TTC28: variants seen among roughly 807,000 people sequenced by gnomAD.
TTC28 encodes the protein tetratricopeptide repeat protein 28.
In TTC28, 61 loss-of-function variants were observed where a neutral mutation model predicts 198.0. That is an observed-to-expected ratio of 0.31 (90% CI 0.25 to 0.38). The LOEUF (loss-of-function observed/expected upper bound fraction) is 0.38, where lower values mean the gene tolerates loss of function less well. TTC28 is among the 10% of genes least tolerant of loss of function. The probability of loss-of-function intolerance (pLI) is 1.00; values close to 1 mark genes in which losing one functional copy is unlikely to be tolerated. For missense variants in TTC28, 2,678 were observed against 3,164.0 expected (o/e 0.85, Z 3.69); for synonymous variants, 1,171 against 1,297.8 (o/e 0.90, Z 2.10).
intron 6 of TTC28, among the ~76,000 whole-genome samples, chr22:28,149,247 C>T (rs1020929786): frequency 2.6e-5 from 4 of 152,126 alleles, no homozygotes; most frequent in Admixed American, 2.6e-4. Flanking sequence ...AGTTGGTGCA[C>T]CATGGTGAAA....
intron 2 of TTC28, among the ~76,000 whole-genome samples, chr22:28,324,031 A>G (rs1276176701): frequency 6.6e-6 from 1 of 152,222 alleles, no homozygotes; most frequent in Admixed American, 6.5e-5. Context: ...TCCTTCAAAC[A>G]TGAAAGAGAT....
At chr22:28,187,524 C>A (rs1483910390) in intron 5 of TTC28, among the ~76,000 whole-genome samples, 1 of 152,232 alleles carries the variant, frequency 6.6e-6, no homozygotes, top group Admixed American at 6.5e-5. Context: ...ACACTGTAGG[C>A]TCCCCTCAGA....
chr22:28,418,780 C>A (rs1040111922), intron 2 of TTC28, among the ~76,000 whole-genome samples: 1 of 152,148 alleles, frequency 6.6e-6, no homozygotes, highest in African/African-American at 2.4e-5. Flanking sequence ...ACATCAATAC[C>A]ACTTGAACAC....
chr22:28,662,326 G>C (rs1045922171), intron 1 of TTC28, among the ~76,000 whole-genome samples: 1 of 152,160 alleles, frequency 6.6e-6, no homozygotes, highest in Non-Finnish European at 1.5e-5. Flanking sequence ...TATTTGCTTA[G>C]TGATCATACA....
At chr22:28,276,524 A>G (rs1932443040) in intron 5 of TTC28, among the ~76,000 whole-genome samples, 2 of 152,230 alleles carry the variant, frequency 1.3e-5, no homozygotes, top group South Asian at 4.1e-4. Flanking sequence ...TACAGTAACT[A>G]TTAATAGAAC....
At chr22:28,271,312 T>C (rs1174160760) in intron 5 of TTC28, among the ~76,000 whole-genome samples, 1 of 152,184 alleles carries the variant, frequency 6.6e-6, no homozygotes, top group Non-Finnish European at 1.5e-5. Flanking sequence ...TGTACCTTTA[T>C]TCTTCTCTGG....
chr22:28,663,219 G>C (rs1187951416), intron 1 of TTC28, among the ~76,000 whole-genome samples: 3 of 149,642 alleles, frequency 2.0e-5, no homozygotes, highest in African/African-American at 7.4e-5. Flanking sequence ...CTGCACTCCA[G>C]CCTGGGAGAC....
chr22:28,247,366 G>A lies in TTC28; in HGVS notation c.933+48832C>T, dbSNP rs1046543842. 5.3e-5 allele frequency among the ~76,000 whole-genome samples: 8 copies of A among 152,190 alleles called. No homozygotes were observed. In the South Asian group the frequency reaches 8.3e-4, roughly 16 times the overall value. ...AAGGAATATAATGAGAATCATATGC[G>A]ACTGCCTGAGTGAAGCTGAGAGTTG... On this transcript the variant is annotated intron_variant, in intron 5 of 22. Coordinates refer to ENST00000397906, the MANE Select transcript of TTC28 (RefSeq NM_001145418.2).
At chr22:28,442,715 T>C (rs114184797) in intron 2 of TTC28, among the ~76,000 whole-genome samples, 1 of 152,176 alleles carries the variant, frequency 6.6e-6, no homozygotes. Flanking sequence ...CAGACCAGAT[T>C]TGGTAACTCG....
chr22:28,293,761 A>G (rs2044835703), intron 5 of TTC28, among the ~76,000 whole-genome samples: 1 of 152,226 alleles, frequency 6.6e-6, no homozygotes, highest in Admixed American at 6.5e-5. Flanking sequence ...TTATAATTCC[A>G]GAAGCAAACA....
intron 2 of TTC28, among the ~76,000 whole-genome samples, chr22:28,527,802 A>C (rs1482197992): frequency 6.6e-6 from 1 of 151,910 alleles, no homozygotes; most frequent in Non-Finnish European, 1.5e-5. Flanking sequence ...CATCCAGGTA[A>C]ATTTATTTTT....
At chr22:28,311,562 C>G (rs906155813) in intron 2 of TTC28, among the ~76,000 whole-genome samples, 27 of 152,144 alleles carry the variant, frequency 1.8e-4, no homozygotes, top group African/African-American at 6.5e-4. Flanking sequence ...TTATGGGATA[C>G]ATAAGATAGT....
chr22:28,455,569 C>T (rs943917356), intron 2 of TTC28, among the ~76,000 whole-genome samples: 2 of 151,860 alleles, frequency 1.3e-5, no homozygotes, highest in Non-Finnish European at 1.5e-5. Flanking sequence ...AAAAATTGGC[C>T]AGGCGTGGCC....
At chr22:28,539,280 G>A (rs2145926337) in intron 2 of TTC28, among the ~76,000 whole-genome samples, 1 of 152,264 alleles carries the variant, frequency 6.6e-6, no homozygotes, top group South Asian at 2.1e-4. Context: ...GCTTACAGGT[G>A]CTGAAATGTA....
Position 28,096,196 on chromosome 22 carries a change from C to G in TTC28, c.3760G>C (p.Gly1254Arg). 4 of 1,543,098 alleles carry G rather than the reference C, an allele frequency of 2.6e-6. No individual in the cohort carries two copies. Among genetic ancestry groups the G allele is most frequent in the Non-Finnish European group, 3.5e-6 (4 of 1,141,346 alleles). The change falls in exon 11 of 23, where the codon GGG becomes CGG. Residue 1254 changes from glycine to arginine, a missense_variant. Gly to Arg is a moderately radical substitution (Grantham distance 125). Coordinates refer to ENST00000397906, the MANE Select transcript of TTC28 (RefSeq NM_001145418.2). ...CCACAGAAAGAGATCTTACCTGCCC[C>G]AGGAGCCAGCAGCCAGCTATACAGA... ...GYLYSWLLAP[G>R]AGIVKFHEHY...
At chr22:28,287,925 T>C (rs1032121806) in intron 5 of TTC28, among the ~76,000 whole-genome samples, 1 of 152,198 alleles carries the variant, frequency 6.6e-6, no homozygotes, top group Non-Finnish European at 1.5e-5. Flanking sequence ...ACAAGAGGTA[T>C]GCAAAGCTAT....
intron 2 of TTC28, among the ~76,000 whole-genome samples, chr22:28,502,597 G>A (rs976634342): frequency 1.3e-4 from 20 of 151,852 alleles, no homozygotes; most frequent in African/African-American, 4.4e-4. Context: ...GCAGTGAGCC[G>A]AGATCGTGCC....
intron 1 of TTC28, among the ~76,000 whole-genome samples, chr22:28,656,476 A>T (rs1274077367): frequency 6.6e-6 from 1 of 152,200 alleles, no homozygotes; most frequent in Non-Finnish European, 1.5e-5. Context: ...GGCAAAGCTG[A>T]AATGTTGCTT....
chr22:28,487,557 T>A (rs2048327726), intron 2 of TTC28, among the ~76,000 whole-genome samples: 1 of 152,176 alleles, frequency 6.6e-6, no homozygotes, highest in Non-Finnish European at 1.5e-5. Context: ...ATAAAATGAA[T>A]AAGACCTCCA....
Sources: allele counts gnomAD v4.1 joint callset (sites outside exome capture counted in the v4.1 genomes callset), GRCh38; gene constraint gnomAD v4.1.1; transcripts MANE v1.5; gene names NCBI Gene and HGNC (gene_info 2026-07-23, HGNC 2026-07-21).